TNNI3K: variants seen among roughly 807,000 people sequenced by gnomAD.
TNNI3K encodes the protein TNNI3 interacting kinase, also known as serine/threonine-protein kinase TNNI3K.
In TNNI3K, 140 loss-of-function variants were observed where a neutral mutation model predicts 114.5. The observed-to-expected ratio is 1.22, with a 90% CI of 1.07 to 1.41. The LOEUF (loss-of-function observed/expected upper bound fraction) is 1.41, where lower values mean the gene tolerates loss of function less well. Among genes scored for constraint, TNNI3K ranks in the 40% most tolerant of loss-of-function variants. TNNI3K has a pLI of 0.00. For synonymous variants in TNNI3K, 347 were observed against 347.5 expected (o/e 1.00, Z 0.02); for missense variants, 1,125 against 1,007.6 (o/e 1.12, Z -1.58).
chr1:74,364,989 T>C (rs975448717), intron 11 of TNNI3K, among the ~76,000 whole-genome samples: 1 of 152,180 alleles, frequency 6.6e-6, no homozygotes, highest in Non-Finnish European at 1.5e-5. Flanking sequence ...TAACTAGCAA[T>C]AGCAGCAATA....
At chr1:74,376,863 T>G (rs1249101265) in intron 17 of TNNI3K, 1 of 151,882 alleles carries the variant, frequency 6.6e-6, no homozygotes, top group Admixed American at 6.6e-5. Flanking sequence ...AGGGACTGAC[T>G]GATTCAGCAT....
intron 5 of TNNI3K, among the ~76,000 whole-genome samples, chr1:74,326,078 T>C (rs1659885136): frequency 6.6e-6 from 1 of 152,068 alleles, no homozygotes; most frequent in Non-Finnish European, 1.5e-5. Context: ...AAGGAAAACA[T>C]TGGTATAAGC....
At chr1:74,254,374 T>C (rs1212776581) in intron 4 of TNNI3K, among the ~76,000 whole-genome samples, 1 of 152,236 alleles carries the variant, frequency 6.6e-6, no homozygotes, top group East Asian at 1.9e-4. Flanking sequence ...GTGTCATTTA[T>C]AGATTATATT....
chr1:74,491,452 G>A (rs1310703921), intron 22 of TNNI3K, among the ~76,000 whole-genome samples: 1 of 152,048 alleles, frequency 6.6e-6, no homozygotes, highest in East Asian at 1.9e-4. Context: ...CTGTTGACCA[G>A]GATGGTGTCG....
chr1:74,532,011 T>G (rs78733051), intron 23 of TNNI3K, among the ~76,000 whole-genome samples: 1,718 of 152,168 alleles, frequency 0.011, 42 homozygotes, highest in African/African-American at 0.04. Context: ...TTGGACCAAT[T>G]TGAATGGAAG....
chr1:74,306,297 A>C (rs1658629732), intron 5 of TNNI3K, among the ~76,000 whole-genome samples: 1 of 152,210 alleles, frequency 6.6e-6, no homozygotes, highest in African/African-American at 2.4e-5. Context: ...ACCTAGATTG[A>C]TTCCATGACT....
At chr1:74,453,986 C>T (rs958179485) in intron 20 of TNNI3K, among the ~76,000 whole-genome samples, 1 of 152,126 alleles carries the variant, frequency 6.6e-6, no homozygotes, top group African/African-American at 2.4e-5. Flanking sequence ...ACCGTAGGGG[C>T]TAAAGAGAAT....
At chr1:74,529,540 G>A (rs1195413354) in intron 23 of TNNI3K, among the ~76,000 whole-genome samples, 1 of 152,180 alleles carries the variant, frequency 6.6e-6, no homozygotes, top group Non-Finnish European at 1.5e-5. Flanking sequence ...GCTATAAAAA[G>A]CGTTATTGAG....
chr1:74,544,099 G>A lies in TNNI3K; in HGVS notation c.*117G>A, dbSNP rs1350097559. ...TACTCTCAAAGGTCTCCTTAAATTG[G>A]GCTTGTTTTTACTTGTCCTATTTAA... is the stretch of plus-strand genomic sequence containing the variant. On this transcript the variant is annotated 3_prime_UTR_variant, in exon 25 of 25. Coordinates refer to ENST00000326637, the MANE Select transcript of TNNI3K (RefSeq NM_015978.3). The A allele has an allele frequency of 2.6e-6, 3 of 1,170,956 alleles. No homozygotes were observed. The highest frequency in any genetic ancestry group is 3.5e-6 in the Non-Finnish European group (3 of 852,932). The allele number at this position is 1,170,956 out of a possible 1,614,324, so 72.5% of individuals were successfully genotyped here. A position where few individuals can be genotyped will look rare whatever the true frequency, so the allele number is the denominator to read the frequency against.
In TNNI3K at chr1:74,343,144, T is replaced by G; in HGVS notation, c.897T>G (p.Thr299=). The G allele has an allele frequency of 6.2e-7, 1 of 1,613,042 alleles. No homozygotes were observed. Among genetic ancestry groups the G allele is most frequent in the Non-Finnish European group, 8.5e-7 (1 of 1,179,640 alleles). Residue 299 remains threonine (T), a synonymous_variant, in exon 9 of 25, where the codon ACT becomes ACG. Coordinates refer to ENST00000326637, the MANE Select transcript of TNNI3K (RefSeq NM_015978.3). ...AAATATCAGGAACAGAAAGTCTGAC[T>G]AAGGAAAACATCTTCAGTGAAACAG... ...IIQISGTESL[T]KENIFSETAF... is the part of the protein sequence containing the mutation.
At chr1:74,270,351 C>A (rs1347808888) in intron 4 of TNNI3K, among the ~76,000 whole-genome samples, 4 of 150,952 alleles carry the variant, frequency 2.6e-5, no homozygotes, top group Admixed American at 1.3e-4. Flanking sequence ...GAGATAAAAT[C>A]AGCTTAGCTT....
intron 5 of TNNI3K, among the ~76,000 whole-genome samples, chr1:74,294,951 T>C (rs1479804588): frequency 6.6e-6 from 1 of 152,076 alleles, no homozygotes; most frequent in Non-Finnish European, 1.5e-5. Flanking sequence ...TTCTAACTTC[T>C]TAAGATGAAT....
intron 17 of TNNI3K, among the ~76,000 whole-genome samples, chr1:74,389,181 G>A (rs1663636804): frequency 6.6e-6 from 1 of 152,192 alleles, no homozygotes; most frequent in African/African-American, 2.4e-5. Context: ...GAAGTAATGA[G>A]TGTTGGATCT....
At chr1:74,280,495 C>G (rs902927697) in intron 5 of TNNI3K, among the ~76,000 whole-genome samples, 3 of 152,136 alleles carry the variant, frequency 2.0e-5, no homozygotes, top group Admixed American at 6.5e-5. Context: ...CAGCATGGCA[C>G]AGAGAGAGAA....
intron 19 of TNNI3K, among the ~76,000 whole-genome samples, chr1:74,437,187 G>A (rs532195409): frequency 6.6e-6 from 1 of 152,026 alleles, no homozygotes; most frequent in African/African-American, 2.4e-5. Context: ...TTTTCTGGAT[G>A]TCTCTTTCTT....
At chr1:74,445,425 G>A (rs1234782814) in intron 20 of TNNI3K, among the ~76,000 whole-genome samples, 2 of 115,362 alleles carry the variant, frequency 1.7e-5, no homozygotes, top group Non-Finnish European at 3.3e-5. Flanking sequence ...CTGTGTCCAT[G>A]TGATCTCATT....
chr1:74,319,551 G>T (rs1378001238), intron 5 of TNNI3K, among the ~76,000 whole-genome samples: 1 of 152,092 alleles, frequency 6.6e-6, no homozygotes, highest in Non-Finnish European at 1.5e-5. Flanking sequence ...CGAAGATATG[G>T]ACTCCATTAC....
Position 74,370,315 on chromosome 1 carries a change from T to C in TNNI3K, c.1695T>C (p.Ile565=). 1 of 1,600,990 alleles carries C rather than the reference T, an allele frequency of 6.2e-7. No homozygotes were observed. Among genetic ancestry groups the C allele is most frequent in the Admixed American group, 1.7e-5 (1 of 58,586 alleles). Residue 565 remains isoleucine, a synonymous_variant, in exon 17 of 25, where the codon ATT becomes ATC. Transcript: ENST00000326637. ...KRILDLQSKL[I]IAVDVAKGME... Reference sequence around the variant, plus strand: ...TTCTTGATTTGCAGTCTAAATTAATTATTGCAGTAGATGTTGCCAAAGGCA... The same window carrying C: ...TTCTTGATTTGCAGTCTAAATTAATCATTGCAGTAGATGTTGCCAAAGGCA...
chr1:74,466,914 A>T (rs560170763), intron 21 of TNNI3K, among the ~76,000 whole-genome samples: 1 of 152,366 alleles, frequency 6.6e-6, no homozygotes, highest in East Asian at 1.9e-4. Context: ...CCTGCTAGTT[A>T]TATGGAGATT....
Sources: gnomAD v4.1 joint callset for allele counts (sites outside exome capture counted in the v4.1 genomes callset) on GRCh38, gnomAD v4.1.1 for gene constraint, MANE v1.5 for transcripts, NCBI Gene and HGNC (gene_info 2026-07-23, HGNC 2026-07-21) for gene names.